Variants in TJP1 observed in about 807,000 individuals in gnomAD.
The protein encoded by TJP1 is tight junction protein 1, also known as tight junction protein ZO-1.
Under a neutral mutation model 194.2 loss-of-function variants are expected in TJP1, and 43 were observed. The observed-to-expected ratio is 0.22, with a 90% CI of 0.17 to 0.29. The LOEUF is 0.29. Ranked by LOEUF, TJP1 falls within the 10% of genes least tolerant of loss-of-function variation. The pLI is 1.00. For missense variants in TJP1, 1,971 were observed against 2,185.7 expected, an observed-to-expected ratio of 0.90 and a Z score of 1.96; for synonymous variants, 801 against 779.0, an observed-to-expected ratio of 1.03 and a Z score of -0.47.
At chr15:29,920,111 C>T (rs934924285) in intron 2 of TJP1, among the ~76,000 whole-genome samples, 5 of 152,196 alleles carry the variant, frequency 3.3e-5, no homozygotes, top group African/African-American at 4.8e-5. Flanking sequence ...GAAACTGGGG[C>T]ACTGCCAGGT....
chr15:29,713,635 A>G (rs1014677860), intron 23 of TJP1, among the ~76,000 whole-genome samples: 4 of 152,248 alleles, frequency 2.6e-5, no homozygotes, highest in South Asian at 2.1e-4. Flanking sequence ...ACAGAATCCT[A>G]TATTTTAAGC....
intron 2 of TJP1, among the ~76,000 whole-genome samples, chr15:29,930,550 G>A (rs2253906): frequency 0.24 from 36,784 of 151,772 alleles, 4,608 homozygotes; most frequent in East Asian, 0.35. Context: ...ACAAACACCT[G>A]GCAAACCAAG....
chr15:29,731,498 T>C (rs1422333646), intron 15 of TJP1, among the ~76,000 whole-genome samples: 1 of 152,200 alleles, frequency 6.6e-6, no homozygotes, highest in Non-Finnish European at 1.5e-5. Flanking sequence ...TTCTAGATTG[T>C]GGATCTTCAG....
chr15:29,799,579 T>G (rs2048646929), intron 2 of TJP1, among the ~76,000 whole-genome samples: 1 of 151,948 alleles, frequency 6.6e-6, no homozygotes, highest in Non-Finnish European at 1.5e-5. Flanking sequence ...CACGCCTGGC[T>G]AATTTTTTTG....
intron 2 of TJP1, among the ~76,000 whole-genome samples, chr15:29,863,896 TTAAA>T (rs759697362): frequency 6.6e-6 from 1 of 152,048 alleles, no homozygotes; most frequent in Non-Finnish European, 1.5e-5. Flanking sequence ...ACATAGTCTT[TTAAA>T]ATGTCTTGGG....
chr15:29,864,237 C>CA (rs397975539), intron 2 of TJP1, among the ~76,000 whole-genome samples: 822 of 18,920 alleles, frequency 0.043, 54 homozygotes, highest in Non-Finnish European at 0.056. Context: ...ACTAAAAATA[C>CA]AAAAAAAAAA....
chr15:29,767,764 T>C (rs887867397), intron 4 of TJP1, among the ~76,000 whole-genome samples: 1 of 152,142 alleles, frequency 6.6e-6, no homozygotes, highest in Non-Finnish European at 1.5e-5. Flanking sequence ...CTAAATTTTT[T>C]CAGTATTTCC....
At chr15:29,757,111 T>C (rs2045691352) in intron 8 of TJP1, among the ~76,000 whole-genome samples, 1 of 152,188 alleles carries the variant, frequency 6.6e-6, no homozygotes, top group Admixed American at 6.5e-5. Flanking sequence ...GTTATGCAAG[T>C]AACCAAAGGC....
chr15:29,739,442 A>T (rs2044247814), intron 10 of TJP1, among the ~76,000 whole-genome samples: 1 of 151,846 alleles, frequency 6.6e-6, no homozygotes, highest in Non-Finnish European at 1.5e-5. Flanking sequence ...GGTCTCTGGA[A>T]TTTTTCTTTT....
At chr15:29,910,949 C>T (rs925325961) in intron 2 of TJP1, among the ~76,000 whole-genome samples, 6 of 152,216 alleles carry the variant, frequency 3.9e-5, no homozygotes, top group African/African-American at 1.4e-4. Flanking sequence ...AGTACATCAA[C>T]GGGTGCCCCT....
At chr15:29,799,031 A>C (rs1459612693) in intron 2 of TJP1, among the ~76,000 whole-genome samples, 1 of 152,170 alleles carries the variant, frequency 6.6e-6, no homozygotes, top group African/African-American at 2.4e-5. Flanking sequence ...GTGTTAAGAG[A>C]AAGTTTTTGT....
At position 29,773,430 on chromosome 15, in the gene TJP1, G is replaced by T. The variant is rs2046816754; in HGVS notation, c.85-73C>A. The T allele has an allele frequency of 4.2e-6, 6 of 1,433,036 alleles. No individual in the cohort carries two copies. The Admixed American group carries it at 1.1e-4, about 27-fold the overall frequency. The allele number at this position is 1,433,036 out of a possible 1,614,324, so 88.8% of individuals were successfully genotyped here. A position where few individuals can be genotyped will look rare whatever the true frequency, so the allele number is the denominator to read the frequency against. On this transcript the variant is annotated intron_variant, in intron 2 of 27. Coordinates refer to ENST00000614355, the MANE Select transcript of TJP1 (RefSeq NM_001330239.4). ...TTGTTATATCATACTCTACAATCTAGAGAAGCCAAAATATAAAAATTACAA... is the reference window on the plus strand; with the variant it reads ...TTGTTATATCATACTCTACAATCTATAGAAGCCAAAATATAAAAATTACAA...
intron 3 of TJP1, 109 bp downstream of exon 3, chr15:29,773,124 T>C: frequency 1.6e-6 from 2 of 1,288,788 alleles, no homozygotes; most frequent in Non-Finnish European, 2.1e-6. Context: ...ATGGCACAGG[T>C]GGAGTGTGAA....
In TJP1 at chr15:29,800,490, T is replaced by C. The variant is rs555649441; in HGVS notation, c.84+156A>G. The C allele has an allele frequency of 1.8e-5, 12 of 668,878 alleles. No homozygotes were observed. In the South Asian group the frequency reaches 2.3e-4, roughly 13 times the overall value. 41.4% of individuals were successfully genotyped at this position (668,878 alleles called of 1,614,324 possible). ...AAGTAATCATGCTCACTTTTGACCT[T>C]AATAAAAAATTATTGTAACTCTAAT... On this transcript the variant is annotated intron_variant, in intron 2 of 27. Coordinates refer to ENST00000614355, the MANE Select transcript of TJP1 (RefSeq NM_001330239.4).
intron 2 of TJP1, among the ~76,000 whole-genome samples, chr15:29,794,089 C>T (rs2048260681): frequency 6.6e-6 from 1 of 152,124 alleles, no homozygotes; most frequent in African/African-American, 2.4e-5. Context: ...CCATCAGGTC[C>T]TGGGCTTTTC....
chr15:29,737,777 A>G (rs938261002), intron 10 of TJP1, among the ~76,000 whole-genome samples: 2 of 152,198 alleles, frequency 1.3e-5, no homozygotes, highest in African/African-American at 4.8e-5. Flanking sequence ...ATTTCTATTA[A>G]TAACTGAAAA....
chr15:29,766,493 G>C lies in TJP1; in HGVS notation c.362C>G (p.Pro121Arg), dbSNP rs1371108966. Residue 121 changes from proline to arginine, a missense_variant, in exon 5 of 28, where the codon CCT (proline) becomes CGT (arginine). Pro to Arg is a moderately radical substitution (Grantham distance 103). Transcript: ENST00000614355. ...TTCTTCATTATCAGATACTGGTTCAGGATCAGGACGACTTACTGGTATTTG... is the reference window on the plus strand; with the variant it reads ...TTCTTCATTATCAGATACTGGTTCACGATCAGGACGACTTACTGGTATTTG... ...KVQIPVSRPD[P>R]EPVSDNEEDS... 1.9e-6 allele frequency: 3 copies of C among 1,604,234 alleles called. No individual in the cohort carries two copies. Among genetic ancestry groups the C allele is most frequent in the Non-Finnish European group, 2.6e-6 (3 of 1,174,192 alleles).
intron 3 of TJP1, among the ~76,000 whole-genome samples, chr15:29,772,434 A>G (rs1025017805): frequency 6.6e-6 from 1 of 152,204 alleles, no homozygotes; most frequent in East Asian, 1.9e-4. Flanking sequence ...TATCACATAC[A>G]CGAAATGATT....
At chr15:29,726,743 A>G in intron 17 of TJP1, 38 bp downstream of exon 17, 1 of 1,588,566 alleles carries the variant, frequency 6.3e-7, no homozygotes, top group Non-Finnish European at 8.6e-7. Flanking sequence ...TTGCCCAGAC[A>G]TTGTAAGCTG....
Sources: gnomAD v4.1 joint callset for allele counts (sites outside exome capture counted in the v4.1 genomes callset) on GRCh38, gnomAD v4.1.1 for gene constraint, MANE v1.5 for transcripts, NCBI Gene and HGNC (gene_info 2026-07-23, HGNC 2026-07-21) for gene names.